OMA1: variants seen among roughly 807,000 people sequenced by gnomAD.
OMA1 encodes OMA1 zinc metallopeptidase.
OMA1 carries 38 observed loss-of-function variants against 30.9 expected under a neutral mutation model. That is an observed-to-expected ratio of 1.23 (90% CI 0.95 to 1.61). OMA1 has a LOEUF of 1.61. Ranked by LOEUF, OMA1 falls within the 40% of genes most tolerant of loss-of-function variation. The probability of loss-of-function intolerance (pLI) is 0.00; values close to 1 mark genes in which losing one functional copy is unlikely to be tolerated. For missense variants in OMA1, 461 were observed against 349.2 expected (o/e 1.32, Z -2.55); for synonymous variants, 173 against 121.9 (o/e 1.42, Z -2.76).
rs548072885 is a variant in OMA1, at chr1:58,530,805, T to C, written c.1012-76A>G. 19 of 773,260 alleles carry C rather than the reference T, an allele frequency of 2.5e-5. No homozygotes were observed. In the South Asian group the frequency reaches 2.6e-4, roughly 10 times the overall value. 47.9% of individuals were successfully genotyped at this position (773,260 alleles called of 1,614,324 possible). A position where few individuals can be genotyped will look rare whatever the true frequency, so the allele number is the denominator to read the frequency against. ...TATGCTTACATTTTCTAGTTCATCA[T>C]GTGTTACAATTACCTGACCTTCTCC... On this transcript the variant is annotated intron_variant, in intron 5 of 8. Transcript: ENST00000371226.
intron 8 of OMA1, among the ~76,000 whole-genome samples, chr1:58,502,066 T>C (rs1445570200): frequency 6.6e-6 from 1 of 152,204 alleles, no homozygotes; most frequent in African/African-American, 2.4e-5. Flanking sequence ...TGATAAATAC[T>C]TGTTGAATGC....
intron 1 of OMA1, among the ~76,000 whole-genome samples, chr1:58,543,537 A>C (rs1323223811): frequency 6.6e-6 from 1 of 152,038 alleles, no homozygotes; most frequent in Non-Finnish European, 1.5e-5. Flanking sequence ...GCCTTATTTC[A>C]CCACTAACCC....
intron 8 of OMA1, among the ~76,000 whole-genome samples, chr1:58,499,389 G>A (rs1255023370): frequency 6.6e-6 from 1 of 150,922 alleles, no homozygotes; most frequent in Non-Finnish European, 1.5e-5. Context: ...GGAGGCTGAA[G>A]TGGGAAAATT....
chr1:58,501,419 C>T (rs1645904855), intron 8 of OMA1, among the ~76,000 whole-genome samples: 1 of 152,192 alleles, frequency 6.6e-6, no homozygotes, highest in African/African-American at 2.4e-5. Context: ...CTTGTCACTC[C>T]TCCAGTCCTC....
chr1:58,544,712 G>C (rs1250288957), intron 1 of OMA1, among the ~76,000 whole-genome samples: 1 of 152,134 alleles, frequency 6.6e-6, no homozygotes, highest in Non-Finnish European at 1.5e-5. Context: ...TCGTGCCTCA[G>C]TCTCCTCAGT....
chr1:58,504,020 A>C (rs1488864432), intron 8 of OMA1, among the ~76,000 whole-genome samples: 1 of 152,176 alleles, frequency 6.6e-6, no homozygotes, highest in East Asian at 1.9e-4. Context: ...AGCCACCATC[A>C]TCTCCTACCA....
intron 8 of OMA1, among the ~76,000 whole-genome samples, chr1:58,488,614 G>A (rs1035991971): frequency 4.6e-5 from 7 of 151,822 alleles, no homozygotes; most frequent in African/African-American, 1.2e-4. Flanking sequence ...ACCATGTCTC[G>A]CTAATTTTTG....
chr1:58,509,480 T>C (rs1333460487), intron 7 of OMA1, among the ~76,000 whole-genome samples: 1 of 145,534 alleles, frequency 6.9e-6, no homozygotes, highest in African/African-American at 2.5e-5. Context: ...ACAAAACTGA[T>C]GGGATACAGC....
intron 8 of OMA1, among the ~76,000 whole-genome samples, chr1:58,491,010 TG>T (rs1353489490): frequency 6.6e-6 from 1 of 151,720 alleles, no homozygotes; most frequent in Non-Finnish European, 1.5e-5. Context: ...GGTTTCACCA[TG>T]TTAGCCAGGA....
Position 58,485,961 on chromosome 1 carries a change from T to C in OMA1, c.1366-4787A>G, listed in dbSNP as rs1448049889. Among the ~76,000 whole-genome samples the C allele has an allele frequency of 2.0e-5, 3 of 152,324 alleles. No individual in the cohort carries two copies. The South Asian group carries it at 6.2e-4, about 32-fold the overall frequency. On this transcript the variant is annotated intron_variant, in intron 8 of 8. Coordinates refer to ENST00000371226, the MANE Select transcript of OMA1 (RefSeq NM_145243.5). ...TATTTTAATAGCAAGAATATATGGT[T>C]CTGAGAATCCTGAGGAAGATTTGAA... is the stretch of plus-strand genomic sequence containing the variant.
chr1:58,539,166 A>G lies in OMA1; in HGVS notation c.129T>C (p.Val43=). ...CCTGATACTTATTTACTATATGGTT[A>G]ACTTGTACTTGATGACAGCCCCGTG... The part of the protein sequence containing the change: ...STSRGCHQVQ[V]NHIVNKYQGL... The change falls in exon 2 of 9, where the codon GTT becomes GTC. Residue 43 remains valine (V), a synonymous_variant. Transcript: ENST00000371226. 5 of 872,942 alleles carry G rather than the reference A, an allele frequency of 5.7e-6. No individual in the cohort carries two copies. The highest frequency in any genetic ancestry group is 1.0e-5 in the Non-Finnish European group (5 of 501,658). 54.1% of individuals were successfully genotyped at this position (872,942 alleles called of 1,614,324 possible).
chr1:58,506,799 A>C (rs906917908), intron 7 of OMA1, among the ~76,000 whole-genome samples: 4 of 152,206 alleles, frequency 2.6e-5, no homozygotes, highest in African/African-American at 9.6e-5. Flanking sequence ...TTTATTATGC[A>C]CATCAATTTA....
At chr1:58,494,169 A>C (rs1208193055) in intron 8 of OMA1, among the ~76,000 whole-genome samples, 2 of 152,264 alleles carry the variant, frequency 1.3e-5, no homozygotes, top group Admixed American at 1.3e-4. Context: ...AAATGGGGAA[A>C]GGATTCCCTC....
At chr1:58,493,046 C>T (rs1645727684) in intron 8 of OMA1, among the ~76,000 whole-genome samples, 1 of 152,174 alleles carries the variant, frequency 6.6e-6, no homozygotes, top group African/African-American at 2.4e-5. Context: ...AATCCAGCAG[C>T]ACATCGAAAA....
chr1:58,539,088 A>C lies in OMA1; in HGVS notation c.207T>G (p.His69Gln), dbSNP rs1319488234. The change falls in exon 2 of 9, where the codon CAT (histidine) becomes CAG (glutamine). Residue 69 changes from histidine to glutamine, a missense_variant. Coordinates refer to ENST00000371226, the MANE Select transcript of OMA1 (RefSeq NM_145243.5). ...TTTTGTTGTTAAAAGTACTATAAAA[A>C]TGAAAGTTTCCAGGCAGAAAACTCC... Reference protein sequence around the residue: ...DRWSFLPGNFHFYSTFNNKRT... With the variant: ...DRWSFLPGNFQFYSTFNNKRT... 6.9e-6 allele frequency: 6 copies of C among 872,968 alleles called. No homozygotes were observed. The highest frequency in any genetic ancestry group is 1.2e-5 in the Non-Finnish European group (6 of 501,660). 54.1% of individuals were successfully genotyped at this position (872,968 alleles called of 1,614,324 possible).
chr1:58,515,134 A>C (rs17117628), intron 7 of OMA1, among the ~76,000 whole-genome samples: 4,180 of 152,250 alleles, frequency 0.027, 93 homozygotes, highest in Non-Finnish European at 0.041. Context: ...TCACTTCTTA[A>C]AGCTCATTTT....
rs762447690 is a variant in OMA1, at chr1:58,506,168, T to C, written c.1257A>G (p.Gln419=). The change falls in exon 8 of 9, where the codon CAA becomes CAG. Residue 419 remains glutamine (Q), a synonymous_variant. Transcript: ENST00000371226. ...CATGCAGGCTATCAACGAACTCCATTTGCTGCCAAAACACTGAACTGGCTC... is the reference window on the plus strand; with the variant it reads ...CATGCAGGCTATCAACGAACTCCATCTGCTGCCAAAACACTGAACTGGCTC... ...DIRASSVFWQ[Q]MEFVDSLHGQ... is the part of the protein sequence containing the mutation. The C allele has an allele frequency of 1.1e-6, 1 of 872,014 alleles. No individual in the cohort carries two copies. The highest frequency in any genetic ancestry group is 2.0e-6 in the Non-Finnish European group (1 of 501,102). The allele number at this position is 872,014 out of a possible 1,614,324, so 54.0% of individuals were successfully genotyped here. A position where few individuals can be genotyped will look rare whatever the true frequency, so the allele number is the denominator to read the frequency against.
intron 8 of OMA1, among the ~76,000 whole-genome samples, chr1:58,490,586 A>G (rs1465501778): frequency 2.6e-5 from 4 of 152,150 alleles, no homozygotes; most frequent in South Asian, 2.1e-4. Context: ...CAGGAAATAC[A>G]GAGAATGCCA....
chr1:58,518,922 G>A (rs569011297), intron 7 of OMA1, among the ~76,000 whole-genome samples: 6 of 152,262 alleles, frequency 3.9e-5, no homozygotes, highest in African/African-American at 1.4e-4. Context: ...GAGAAAAGTT[G>A]AGGCACAAAA....
Sources: gnomAD v4.1 joint callset for allele counts (sites outside exome capture counted in the v4.1 genomes callset) on GRCh38, gnomAD v4.1.1 for gene constraint, MANE v1.5 for transcripts, NCBI Gene and HGNC (gene_info 2026-07-23, HGNC 2026-07-21) for gene names.